The following PARD3 variants were observed in gnomAD, a reference collection of about 807,000 sequenced individuals.
The protein encoded by PARD3 is partitioning defective 3 homolog.
PARD3 carries 75 observed loss-of-function variants against 155.4 expected under a neutral mutation model. That is an observed-to-expected ratio of 0.48 (90% CI 0.40 to 0.58). PARD3 has a LOEUF of 0.58. Among genes scored for constraint, PARD3 ranks in the 20% least tolerant of loss-of-function variants. The probability of loss-of-function intolerance (pLI) is 0.00; values close to 1 mark genes in which losing one functional copy is unlikely to be tolerated. For synonymous variants in PARD3, 576 were observed against 610.5 expected (o/e 0.94, Z 0.83); for missense variants, 1,642 against 1,721.7 (o/e 0.95, Z 0.82).
chr10:34,149,235 T>C (rs1302121869), intron 22 of PARD3, among the ~76,000 whole-genome samples: 8 of 152,152 alleles, frequency 5.3e-5, no homozygotes, highest in Admixed American at 5.2e-4. Context: ...TTTGCAGTTT[T>C]AGGTAGAAAT....
At chr10:34,806,059 C>G (rs974306288) in intron 1 of PARD3, among the ~76,000 whole-genome samples, 1 of 145,180 alleles carries the variant, frequency 6.9e-6, no homozygotes, top group East Asian at 1.9e-4. Context: ...GAGACAGAGT[C>G]TCGCTGTGTC....
chr10:34,753,937 G>C (rs1263707874), intron 1 of PARD3, among the ~76,000 whole-genome samples: 1 of 151,960 alleles, frequency 6.6e-6, no homozygotes, highest in Non-Finnish European at 1.5e-5. Context: ...GGCTTCCCCT[G>C]AATAAGTGTT....
chr10:34,761,058 A>T (rs1382912407), intron 1 of PARD3, among the ~76,000 whole-genome samples: 2 of 152,188 alleles, frequency 1.3e-5, no homozygotes, highest in Non-Finnish European at 2.9e-5. Flanking sequence ...CATAAAATTC[A>T]ACCAAAAACA....
chr10:34,205,206 G>C (rs1951413098), intron 22 of PARD3, among the ~76,000 whole-genome samples: 1 of 152,160 alleles, frequency 6.6e-6, no homozygotes, highest in South Asian at 2.1e-4. Flanking sequence ...AGAGACATCT[G>C]ATGCTGAGGT....
At chr10:34,698,574 C>T (rs2094217015) in intron 1 of PARD3, among the ~76,000 whole-genome samples, 2 of 152,310 alleles carry the variant, frequency 1.3e-5, no homozygotes, top group South Asian at 4.1e-4. Flanking sequence ...GACAGTCTCG[C>T]TCTGTCATCC....
chr10:34,131,393 C>G (rs532740157), intron 23 of PARD3, 70 bp downstream of exon 23: 1 of 1,575,182 alleles, frequency 6.3e-7, no homozygotes, highest in Admixed American at 1.7e-5. Flanking sequence ...GCATTGAGGT[C>G]ATAGCTTAGT....
At chr10:34,617,533 C>A (rs1331975753) in intron 2 of PARD3, among the ~76,000 whole-genome samples, 10 of 152,184 alleles carry the variant, frequency 6.6e-5, no homozygotes. Context: ...TGATATACTA[C>A]TTACCCTAAT....
Position 34,520,045 on chromosome 10 carries a change from C to A in PARD3, c.223-2886G>T, listed in dbSNP as rs532942701. Among the ~76,000 whole-genome samples, 14 of 152,206 alleles carry A rather than the reference C, an allele frequency of 9.2e-5. 1 individual carries two copies. Among genetic ancestry groups the A allele is most frequent in the Admixed American group, 2.6e-4 (4 of 15,302 alleles). On this transcript the variant is annotated intron_variant, in intron 2 of 24. Transcript: ENST00000374788. ...AATAAACCCCTCTCCTGCCTCCAATCCAAGCTTTTTCAAGGCCAACACTTG... is the reference window on the plus strand; with the variant it reads ...AATAAACCCCTCTCCTGCCTCCAATACAAGCTTTTTCAAGGCCAACACTTG...
chr10:34,741,090 C>T (rs2095002721), intron 1 of PARD3, among the ~76,000 whole-genome samples: 1 of 151,592 alleles, frequency 6.6e-6, no homozygotes, highest in Non-Finnish European at 1.5e-5. Flanking sequence ...AGACTATACT[C>T]AATACTACAT....
chr10:34,351,452 A>AAT (rs1838070863), intron 14 of PARD3, among the ~76,000 whole-genome samples: 1 of 152,238 alleles, frequency 6.6e-6, no homozygotes, highest in African/African-American at 2.4e-5. Context: ...CTAGATTACA[A>AAT]ATATACATTC....
chr10:34,278,604 G>A (rs1011812681), intron 21 of PARD3, among the ~76,000 whole-genome samples: 1 of 151,972 alleles, frequency 6.6e-6, no homozygotes, highest in African/African-American at 2.4e-5. Context: ...TTTTATAAGG[G>A]GCATCCCCCT....
At chr10:34,304,988 A>T (rs1957332984) in intron 20 of PARD3, among the ~76,000 whole-genome samples, 1 of 152,166 alleles carries the variant, frequency 6.6e-6, no homozygotes, top group Admixed American at 6.5e-5. Context: ...AAATTGAGAA[A>T]CCTTAATATA....
intron 23 of PARD3, among the ~76,000 whole-genome samples, chr10:34,127,524 C>T (rs774629130): frequency 4.6e-5 from 7 of 152,124 alleles, no homozygotes; most frequent in Admixed American, 2.6e-4. Context: ...TTTTTCTTTT[C>T]GATCTTTGTT....
intron 2 of PARD3, among the ~76,000 whole-genome samples, chr10:34,542,519 T>C (rs1207538996): frequency 6.6e-6 from 1 of 152,188 alleles, no homozygotes; most frequent in Admixed American, 6.5e-5. Flanking sequence ...AACCCCATTA[T>C]AGGAGACAAC....
intron 23 of PARD3, among the ~76,000 whole-genome samples, chr10:34,128,469 T>C (rs564355959): frequency 1.3e-4 from 20 of 152,306 alleles, no homozygotes; most frequent in Admixed American, 1.0e-3. Context: ...GTACAGAGTG[T>C]GTGTTAATCA....
intron 1 of PARD3, among the ~76,000 whole-genome samples, chr10:34,736,991 T>C (rs1013565443): frequency 1.3e-5 from 2 of 152,154 alleles, no homozygotes; most frequent in South Asian, 2.1e-4. Context: ...TAGGTGACTT[T>C]AGACATCCCA....
chr10:34,737,587 C>T lies in PARD3; in HGVS notation c.121-41168G>A, dbSNP rs554595392. Reference sequence around the variant, plus strand: ...ATTCATGCTGAAACTTAATCCCCAACGCAACAGTAGAGAGGAGGTGCCTTT... The same window carrying T: ...ATTCATGCTGAAACTTAATCCCCAATGCAACAGTAGAGAGGAGGTGCCTTT... On this transcript the variant is annotated intron_variant, in intron 1 of 24. Coordinates refer to ENST00000374788, the MANE Select transcript of PARD3 (RefSeq NM_001184785.2). Among the ~76,000 whole-genome samples, 477 of 152,316 alleles carry T rather than the reference C, an allele frequency of 3.1e-3. 3 individuals carry two copies. Among genetic ancestry groups the T allele is most frequent in the South Asian group, 0.011 (52 of 4,830 alleles).
chr10:34,161,906 T>C (rs1303711473), intron 22 of PARD3, among the ~76,000 whole-genome samples: 1 of 152,168 alleles, frequency 6.6e-6, no homozygotes, highest in Non-Finnish European at 1.5e-5. Context: ...TGTACTAGCT[T>C]TGAAGCACCA....
intron 2 of PARD3, among the ~76,000 whole-genome samples, chr10:34,605,615 A>C (rs2090247443): frequency 1.1e-5 from 1 of 90,554 alleles, no homozygotes; most frequent in South Asian, 3.1e-4. Flanking sequence ...TCTCCTATAT[A>C]TATATCTCCT....
Sources: allele counts gnomAD v4.1 joint callset (sites outside exome capture counted in the v4.1 genomes callset), GRCh38; gene constraint gnomAD v4.1.1; transcripts MANE v1.5; gene names NCBI Gene and HGNC (gene_info 2026-07-23, HGNC 2026-07-21).